TFEC: variants seen among roughly 807,000 people sequenced by gnomAD.
TFEC encodes the protein class E basic helix-loop-helix protein 34.
Under a neutral mutation model 41.6 loss-of-function variants are expected in TFEC, and 31 were observed. That is an observed-to-expected ratio of 0.74 (90% CI 0.56 to 1.01). The LOEUF is 1.01. Among genes scored for constraint, TFEC ranks in the 50% least tolerant of loss-of-function variants. TFEC has a pLI of 0.00. For synonymous variants in TFEC, 143 were observed against 140.6 expected (o/e 1.02, Z -0.12); for missense variants, 402 against 404.1 (o/e 0.99, Z 0.04).
At chr7:116,072,169 CT>C (rs1288153619) in intron 3 of TFEC, among the ~76,000 whole-genome samples, 3 of 151,494 alleles carry the variant, frequency 2.0e-5, no homozygotes, top group Non-Finnish European at 4.4e-5. Flanking sequence ...ATTTTAATCT[CT>C]TTTTTTAGTT....
rs185383834 is a variant in TFEC, at chr7:116,116,165, A to G, written c.-68-4127T>C. 5.9e-4 allele frequency among the ~76,000 whole-genome samples: 90 copies of G among 152,090 alleles called. 1 individual carries two copies. The highest frequency in any genetic ancestry group is 5.8e-3 in the Admixed American group (89 of 15,236). ...TCAAAATTTACTCATTACATGGTAG[A>G]TAGTAAAATAACTATGTTAGAGACA... is the stretch of plus-strand genomic sequence containing the variant. On this transcript the variant is annotated intron_variant, in intron 1 of 8. Coordinates refer to the TFEC transcript ENST00000484212.
At chr7:115,963,068 T>A (rs1325299460) in intron 3 of TFEC, among the ~76,000 whole-genome samples, 1 of 151,706 alleles carries the variant, frequency 6.6e-6, no homozygotes, top group Non-Finnish European at 1.5e-5. Context: ...GATCTCATTG[T>A]TCAACTCCCA....
chr7:116,074,225 T>TAC (rs1223119545), intron 3 of TFEC, among the ~76,000 whole-genome samples: 3 of 150,702 alleles, frequency 2.0e-5, no homozygotes, highest in Non-Finnish European at 3.0e-5. Context: ...TGTGCATGCA[T>TAC]ACACACACAC....
At chr7:116,138,769 C>CA (rs1798484042) in intron 1 of TFEC, among the ~76,000 whole-genome samples, 1 of 152,136 alleles carries the variant, frequency 6.6e-6, no homozygotes, top group Non-Finnish European at 1.5e-5. Flanking sequence ...ATAACATTTA[C>CA]ACAAAATAGT....
At chr7:116,070,432 G>C (rs904529271) in intron 3 of TFEC, among the ~76,000 whole-genome samples, 4 of 151,302 alleles carry the variant, frequency 2.6e-5, no homozygotes, top group African/African-American at 9.7e-5. Flanking sequence ...AGCAACGACT[G>C]AACCAATAAA....
chr7:116,112,779 T>C (rs944721972), intron 1 of TFEC, among the ~76,000 whole-genome samples: 2 of 151,864 alleles, frequency 1.3e-5, no homozygotes, highest in Admixed American at 1.3e-4. Flanking sequence ...ATGTAGGTAA[T>C]AACGGATCAG....
chr7:116,101,637 G>A (rs1797606981), intron 3 of TFEC, among the ~76,000 whole-genome samples: 1 of 151,538 alleles, frequency 6.6e-6, no homozygotes, highest in South Asian at 2.1e-4. Flanking sequence ...ACAAGAACCA[G>A]CAAAGAAATT....
intron 3 of TFEC, among the ~76,000 whole-genome samples, chr7:116,044,213 G>A (rs928426228): frequency 1.7e-4 from 26 of 152,054 alleles, no homozygotes; most frequent in Non-Finnish European, 3.5e-4. Context: ...TCCATTAAAC[G>A]AATTTTAAAA....
At chr7:116,143,784 C>T (rs571015502) in intron 1 of TFEC, among the ~76,000 whole-genome samples, 2 of 152,192 alleles carry the variant, frequency 1.3e-5, no homozygotes, top group African/African-American at 4.8e-5. Context: ...TCACAATGCC[C>T]TTAATTATAA....
chr7:116,024,638 A>G (rs544600621), intron 1 of TFEC, among the ~76,000 whole-genome samples: 24 of 152,324 alleles, frequency 1.6e-4, no homozygotes, highest in African/African-American at 5.5e-4. Flanking sequence ...AGAATATTTC[A>G]TAAAATATAC....
chr7:116,005,192 G>A (rs1279310436), intron 1 of TFEC, among the ~76,000 whole-genome samples: 1 of 152,174 alleles, frequency 6.6e-6, no homozygotes, highest in African/African-American at 2.4e-5. Flanking sequence ...CCAGTAAAGT[G>A]GGGCACTGCT....
At chr7:115,998,971 TAAACC>T (rs1794479914) in intron 1 of TFEC, among the ~76,000 whole-genome samples, 1 of 152,016 alleles carries the variant, frequency 6.6e-6, no homozygotes. Flanking sequence ...ATCTGAACTA[TAAACC>T]AAATAAACCT....
At chr7:116,080,976 AGTGTGTGTGTGTGTGTGT>A (rs60317630) in intron 3 of TFEC, among the ~76,000 whole-genome samples, 4,097 of 138,006 alleles carry the variant, frequency 0.03, 72 homozygotes, top group Middle Eastern at 0.045. Flanking sequence ...AAGAAAATGT[AGTGTGTGTGTGTGTGTGT>A]GTGTGTGTGT....
At chr7:116,146,435 A>G (rs1221682884) in intron 1 of TFEC, among the ~76,000 whole-genome samples, 1 of 152,198 alleles carries the variant, frequency 6.6e-6, no homozygotes, top group Admixed American at 6.5e-5. Flanking sequence ...TTTGCCTCTG[A>G]GTGGAGGGCA....
At chr7:115,967,834 A>C (rs900416591) in intron 3 of TFEC, among the ~76,000 whole-genome samples, 2 of 151,886 alleles carry the variant, frequency 1.3e-5, no homozygotes, top group Non-Finnish European at 2.9e-5. Context: ...TGCATCATGC[A>C]TATTATATAC....
chr7:116,003,721 T>C lies in TFEC; in HGVS notation c.-72-19208A>G, dbSNP rs139812708. Among the ~76,000 whole-genome samples the C allele has an allele frequency of 4.6e-5, 7 of 152,244 alleles. No individual in the cohort carries two copies. The East Asian group carries it at 1.2e-3, about 25-fold the overall frequency. ...AGCTCTCATGGAATATGTACCAAGATAGACCACATTCTGAACCATAAAAGA... is the reference window on the plus strand; with the variant it reads ...AGCTCTCATGGAATATGTACCAAGACAGACCACATTCTGAACCATAAAAGA... On this transcript the variant is annotated intron_variant, in intron 1 of 7. Transcript: ENST00000265440.
chr7:115,951,596 T>C (rs1179911667), intron 5 of TFEC, among the ~76,000 whole-genome samples: 1 of 152,118 alleles, frequency 6.6e-6, no homozygotes, highest in African/African-American at 2.4e-5. Context: ...GGAAGGATTG[T>C]TAAAATAGAT....
intron 3 of TFEC, among the ~76,000 whole-genome samples, chr7:116,074,120 G>T (rs1348670302): frequency 6.6e-6 from 1 of 151,132 alleles, no homozygotes; most frequent in Non-Finnish European, 1.5e-5. Flanking sequence ...ATTCTTAAAA[G>T]AAAACATATA....
At chr7:115,953,160 G>A (rs970212419) in intron 5 of TFEC, among the ~76,000 whole-genome samples, 2 of 151,982 alleles carry the variant, frequency 1.3e-5, no homozygotes, top group African/African-American at 4.8e-5. Context: ...ATGGAATAGG[G>A]GGTGCAGAAA....
Sources: allele counts gnomAD v4.1 joint callset (sites outside exome capture counted in the v4.1 genomes callset), GRCh38; gene constraint gnomAD v4.1.1; transcripts MANE v1.5; gene names NCBI Gene and HGNC (gene_info 2026-07-23, HGNC 2026-07-21).